The following DIO2 variants were observed in gnomAD, a reference collection of about 807,000 sequenced individuals.
DIO2 encodes type II iodothyronine deiodinase.
DIO2 carries 19 observed loss-of-function variants against 21.4 expected under a neutral mutation model. The observed-to-expected ratio is 0.89, with a 90% CI of 0.62 to 1.30. DIO2 has a LOEUF of 1.30. DIO2 is among the 50% of genes most tolerant of loss of function. The pLI is 0.00. For missense variants in DIO2, 302 were observed against 338.1 expected (o/e 0.89, Z 0.84); for synonymous variants, 122 against 132.9 (o/e 0.92, Z 0.57).
At position 80,223,782 on chromosome 14, in the gene DIO2, T is replaced by C. The variant is rs76507704; in HGVS notation, c.-277-7045A>G. Reference sequence around the variant, plus strand: ...CTTGGTTTCAAAGTTGCCTACTCAATTTGGGAGTTGGCTTAGTCTGCCCAT... The same window carrying C: ...CTTGGTTTCAAAGTTGCCTACTCAACTTGGGAGTTGGCTTAGTCTGCCCAT... On this transcript the variant is annotated intron_variant, in intron 2 of 4. Coordinates refer to the DIO2 transcript ENST00000553594. Among the ~76,000 whole-genome samples, 1,336 of 152,330 alleles carry C rather than the reference T, an allele frequency of 8.8e-3. 27 individuals are homozygous for C. The highest frequency in any genetic ancestry group is 0.031 in the African/African-American group (1,272 of 41,584).
At position 80,222,900 on chromosome 14, in the gene DIO2, C is replaced by G. The variant is rs80191763; in HGVS notation, c.-277-6163G>C. 6.1e-3 allele frequency among the ~76,000 whole-genome samples: 925 copies of G among 151,006 alleles called. 7 individuals carry two copies. The highest frequency in any genetic ancestry group is 0.02 in the African/African-American group (809 of 41,092). On this transcript the variant is annotated intron_variant, in intron 2 of 4. Coordinates refer to the DIO2 transcript ENST00000553594. ...TGAGACAGGGTCTTGCTTCATTGCC[C>G]AGGCTTCAGTGCAGTGCAGTGGCAC...
chr14:80,230,216 A>G (rs1053504260), intron 2 of DIO2, among the ~76,000 whole-genome samples: 21 of 152,310 alleles, frequency 1.4e-4, no homozygotes, highest in Admixed American at 1.2e-3. Flanking sequence ...CAGCGTCCCC[A>G]GCTTCATCAG....
In DIO2 at chr14:80,203,304, A is replaced by AC; in HGVS notation, c.223-17_223-16insG. The stretch of plus-strand genomic sequence containing the variant: ...CCAATTTCACCTGACGGTAAAAAAA[A>AC]AAAAAAAGAAGAAGAAGAAGAAGGT... On this transcript the variant is annotated splice_polypyrimidine_tract_variant and intron_variant, in intron 1 of 1. Transcript: ENST00000438257. 6.6e-7 allele frequency: 1 copy of AC among 1,506,088 alleles called. No homozygotes were observed. Among genetic ancestry groups the AC allele is most frequent in the Non-Finnish European group, 8.9e-7 (1 of 1,128,820 alleles). The allele number at this position is 1,506,088 out of a possible 1,614,324, so 93.3% of individuals were successfully genotyped here.
Position 80,200,172 on chromosome 14 carries a change from A to G in DIO2, c.*2517T>C, listed in dbSNP as rs1887658640. ...AGCGTAGGATTCCTGAGCTTTGTCCATTCATTTTCTCCATTGGCCCTTCCA... is the reference window on the plus strand; with the variant it reads ...AGCGTAGGATTCCTGAGCTTTGTCCGTTCATTTTCTCCATTGGCCCTTCCA... On this transcript the variant is annotated 3_prime_UTR_variant, in exon 2 of 2. Transcript: ENST00000438257. The G allele has an allele frequency of 6.6e-6, 1 of 152,444 alleles. No individual in the cohort carries two copies. The highest frequency in any genetic ancestry group is 2.4e-5 in the African/African-American group (1 of 41,420). 9.4% of individuals were successfully genotyped at this position (152,444 alleles called of 1,614,324 possible).
Position 80,199,424 on chromosome 14 carries a change from TGAAAAAA to T in DIO2, c.*3258_*3264del, listed in dbSNP as rs553741474. Reference sequence around the variant, plus strand: ...AAGACACAGGACCAGAGACCCAATGTGAAAAAAGAAAGTCATGTAAGTTAAGTGACTG... The same window carrying T: ...AAGACACAGGACCAGAGACCCAATGTGAAAGTCATGTAAGTTAAGTGACTG... On this transcript the variant is annotated 3_prime_UTR_variant, in exon 2 of 2. Transcript: ENST00000438257. The T allele has an allele frequency of 1.8e-4, 28 of 152,252 alleles. No individual in the cohort carries two copies. In the South Asian group the frequency reaches 3.9e-3, roughly 21 times the overall value. 9.4% of individuals were successfully genotyped at this position (152,252 alleles called of 1,614,324 possible).
Position 80,199,968 on chromosome 14 carries a change from G to A in DIO2, c.*2721C>T, listed in dbSNP as rs1887650632. 1 of 152,428 alleles carries A rather than the reference G, an allele frequency of 6.6e-6. No homozygotes were observed. The highest frequency in any genetic ancestry group is 1.5e-5 in the Non-Finnish European group (1 of 67,992). 9.4% of individuals were successfully genotyped at this position (152,428 alleles called of 1,614,324 possible). On this transcript the variant is annotated 3_prime_UTR_variant, in exon 2 of 2. Transcript: ENST00000438257. ...AACACATGAAACGCACATGAGTATT[G>A]GCAATCTAATAATTTCTCAGCATAT...
At chr14:80,208,030 C>T (rs1323246364) in intron 1 of DIO2, among the ~76,000 whole-genome samples, 2 of 152,122 alleles carry the variant, frequency 1.3e-5, no homozygotes, top group Admixed American at 6.5e-5. Context: ...CAATATTAAC[C>T]GTGCAGAAGC....
At chr14:80,230,411 A>T (rs899400098) in intron 2 of DIO2, among the ~76,000 whole-genome samples, 1 of 152,066 alleles carries the variant, frequency 6.6e-6, no homozygotes, top group Non-Finnish European at 1.5e-5. Context: ...AGGAGATGAG[A>T]CTCACTGAGG....
chr14:80,228,255 A>T (rs987368699), intron 2 of DIO2, among the ~76,000 whole-genome samples: 1 of 152,228 alleles, frequency 6.6e-6, no homozygotes, highest in Admixed American at 6.5e-5. Context: ...GCTGAAAGCA[A>T]ATTGCTTCTG....
In DIO2 at chr14:80,222,860, CT is replaced by C. The variant is rs200049777; in HGVS notation, c.-277-6124del. On this transcript the variant is annotated intron_variant, in intron 2 of 4. Transcript: ENST00000553594. ...AAATGGAAGTATTATTTCTTTGTTT[CT>C]TTTTTTTTTTTTTTGAGACAGGGTC... 3.4e-3 allele frequency among the ~76,000 whole-genome samples: 475 copies of C among 138,630 alleles called. 1 individual carries two copies. Among genetic ancestry groups the C allele is most frequent in the Non-Finnish European group, 3.9e-3 (249 of 63,548 alleles). 90.9% of individuals were successfully genotyped at this position (138,630 alleles called of 152,430 possible). A position where few individuals can be genotyped will look rare whatever the true frequency, so the allele number is the denominator to read the frequency against.
chr14:80,202,849 A>G lies in DIO2; in HGVS notation c.662T>C (p.Ile221Thr), dbSNP rs569320200. Residue 221 changes from isoleucine to threonine, a missense_variant, in exon 2 of 2, where the codon ATA (isoleucine) becomes ACA (threonine). Coordinates refer to ENST00000438257, the MANE Select transcript of DIO2 (RefSeq NM_013989.5). ...VADRMDNNAN[I>T]AYGVAFERVC... The stretch of plus-strand genomic sequence containing the variant: ...ACGTTCAAAGGCTACCCCGTAAGCT[A>G]TGTTGGCGTTATTGTCCATGCGGTC... 4.3e-6 allele frequency: 7 copies of G among 1,613,970 alleles called. No individual in the cohort carries two copies. The Admixed American group carries it at 8.3e-5, about 19-fold the overall frequency.
chr14:80,208,242 C>A (rs1336378528), intron 1 of DIO2, among the ~76,000 whole-genome samples: 1 of 152,148 alleles, frequency 6.6e-6, no homozygotes, highest in Non-Finnish European at 1.5e-5. Flanking sequence ...CTCAGGGTCT[C>A]TCACCAGTGT....
intron 1 of DIO2, among the ~76,000 whole-genome samples, chr14:80,208,437 G>A (rs1010801766): frequency 2.0e-5 from 3 of 151,994 alleles, no homozygotes; most frequent in African/African-American, 4.8e-5. Context: ...TGCCCCTTGT[G>A]GAGGCAAAAC....
chr14:80,216,620 T>G (rs1013389370), intron 3 of DIO2: 1 of 152,120 alleles, frequency 6.6e-6, no homozygotes, highest in South Asian at 2.1e-4. Context: ...TTATACATGG[T>G]GAATTCATTC....
chr14:80,213,509 T>C (rs1319391296), upstream of DIO2, among the ~76,000 whole-genome samples: 6 of 152,228 alleles, frequency 3.9e-5, no homozygotes, highest in African/African-American at 7.2e-5. Context: ...TTTGTTTGGT[T>C]GGCAGGTTGC....
intron 1 of DIO2, chr14:80,205,567 T>G: frequency 1.6e-6 from 2 of 1,274,816 alleles, no homozygotes. Context: ...AATAATCTAA[T>G]CTGTTGCTTT....
In DIO2 at chr14:80,203,283, T is replaced by C; in HGVS notation, c.228A>G (p.Lys76=). Residue 76 remains lysine (K), a synonymous_variant, in exon 2 of 2, where the codon AAA becomes AAG. Coordinates refer to ENST00000438257, the MANE Select transcript of DIO2 (RefSeq NM_013989.5). ...TGGAATTGGGGGCATCCTCACCCAA[T>C]TTCACCTGACGGTAAAAAAAAAAAA... ...SFLLDAYKQV[K]LGEDAPNSSV... is the part of the protein sequence containing the mutation. 1 of 1,521,618 alleles carries C rather than the reference T, an allele frequency of 6.6e-7. No homozygotes were observed. The highest frequency in any genetic ancestry group is 8.8e-7 in the Non-Finnish European group (1 of 1,138,178). The allele number at this position is 1,521,618 out of a possible 1,614,324, so 94.3% of individuals were successfully genotyped here. A position where few individuals can be genotyped will look rare whatever the true frequency, so the allele number is the denominator to read the frequency against.
chr14:80,225,659 C>T (rs1418672003), intron 2 of DIO2, among the ~76,000 whole-genome samples: 2 of 152,178 alleles, frequency 1.3e-5, no homozygotes, highest in Non-Finnish European at 2.9e-5. Context: ...AACACCTCAG[C>T]AGGTCGTGGG....
At chr14:80,222,736 T>C (rs1888489324) in intron 2 of DIO2, among the ~76,000 whole-genome samples, 1 of 152,208 alleles carries the variant, frequency 6.6e-6, no homozygotes, top group Non-Finnish European at 1.5e-5. Flanking sequence ...CAATTTCATA[T>C]GGTTTAATTA....
Sources: allele counts gnomAD v4.1 joint callset (sites outside exome capture counted in the v4.1 genomes callset), GRCh38; gene constraint gnomAD v4.1.1; transcripts MANE v1.5; gene names NCBI Gene and HGNC (gene_info 2026-07-23, HGNC 2026-07-21).